Variants in SRGAP3 observed in about 807,000 individuals in gnomAD.
SRGAP3 encodes SLIT-ROBO Rho GTPase-activating protein 3.
Under a neutral mutation model 121.1 loss-of-function variants are expected in SRGAP3, and 39 were observed. The observed-to-expected ratio is 0.32, with a 90% CI of 0.25 to 0.42. The LOEUF (loss-of-function observed/expected upper bound fraction) is 0.42, where lower values mean the gene tolerates loss of function less well. SRGAP3 is among the 10% of genes least tolerant of loss of function. The pLI is 1.00. For missense variants in SRGAP3, 1,213 were observed against 1,470.6 expected (o/e 0.82, Z 2.86); for synonymous variants, 601 against 570.0 (o/e 1.05, Z -0.77).
At chr3:9,287,634 G>C (rs1469000703) in intron 3 of SRGAP3, among the ~76,000 whole-genome samples, 1 of 152,166 alleles carries the variant, frequency 6.6e-6, no homozygotes, top group Non-Finnish European at 1.5e-5. Flanking sequence ...AGTAAGCGTT[G>C]AAAAACTGTG....
intron 2 of SRGAP3, among the ~76,000 whole-genome samples, chr3:9,329,070 C>T (rs560849965): frequency 3.3e-5 from 5 of 152,120 alleles, no homozygotes; most frequent in Non-Finnish European, 2.9e-5. Flanking sequence ...ATCCTGAGCA[C>T]GAGTTTATGG....
chr3:9,357,816 C>T (rs1226925497), intron 1 of SRGAP3, among the ~76,000 whole-genome samples: 1 of 152,006 alleles, frequency 6.6e-6, no homozygotes. Context: ...CCCATATGAC[C>T]AAAGTTTCCT....
chr3:9,059,775 G>T, intron 6 of SRGAP3: 1 of 276,870 alleles, frequency 3.6e-6, no homozygotes, highest in Non-Finnish European at 7.1e-6. Flanking sequence ...GTATAATTAA[G>T]TCTGTCTCAT....
At chr3:9,118,439 G>A (rs1948881932) in intron 2 of SRGAP3, among the ~76,000 whole-genome samples, 1 of 152,130 alleles carries the variant, frequency 6.6e-6, no homozygotes, top group South Asian at 2.1e-4. Flanking sequence ...CATATGTGCT[G>A]CCTGCTACAC....
chr3:9,005,085 A>G (rs1197250939), intron 18 of SRGAP3, among the ~76,000 whole-genome samples: 1 of 152,200 alleles, frequency 6.6e-6, no homozygotes, highest in East Asian at 1.9e-4. Flanking sequence ...AGCTGTTACA[A>G]CTCAATAATA....
chr3:9,313,563 G>A (rs915495197), intron 3 of SRGAP3, among the ~76,000 whole-genome samples: 5 of 151,728 alleles, frequency 3.3e-5, no homozygotes, highest in African/African-American at 1.2e-4. Flanking sequence ...TGTAATCCCA[G>A]GTACTTAAGA....
chr3:9,056,542 G>A (rs535583752), intron 7 of SRGAP3, among the ~76,000 whole-genome samples: 1 of 152,328 alleles, frequency 6.6e-6, no homozygotes, highest in South Asian at 2.1e-4. Context: ...CTCAAAGTCC[G>A]CACTCTTGCC....
chr3:9,302,263 C>G (rs1021407213), intron 3 of SRGAP3, among the ~76,000 whole-genome samples: 7 of 152,218 alleles, frequency 4.6e-5, no homozygotes, highest in Non-Finnish European at 1.0e-4. Flanking sequence ...GCATACACTG[C>G]TTCTGACTGC....
chr3:9,283,194 G>A (rs1421733303), intron 3 of SRGAP3, among the ~76,000 whole-genome samples: 4 of 150,984 alleles, frequency 2.6e-5, no homozygotes, highest in African/African-American at 9.8e-5. Context: ...ACCCCCCCTC[G>A]GCCTCCCAAA....
At chr3:9,182,337 T>TA (rs1249693220) in intron 1 of SRGAP3, among the ~76,000 whole-genome samples, 2 of 151,912 alleles carry the variant, frequency 1.3e-5, no homozygotes, top group Non-Finnish European at 2.9e-5. Context: ...GATATCCTTG[T>TA]AAAAAGGGGA....
At position 9,317,334 on chromosome 3, in the gene SRGAP3, G is replaced by T. The variant is rs562671903; in HGVS notation, n.442+8676C>A. Among the ~76,000 whole-genome samples the T allele has an allele frequency of 1.6e-4, 24 of 152,250 alleles. No homozygotes were observed. In the South Asian group the frequency reaches 3.1e-3, roughly 20 times the overall value. ...TAGGAGCTGGCCTGGCTACAAAATC[G>T]TTCCCTGTGAAGTTCACCGGCTCCA... On this transcript the variant is annotated intron_variant and non_coding_transcript_variant, in intron 3 of 3. Coordinates refer to the SRGAP3 transcript ENST00000490889.
intron 10 of SRGAP3, among the ~76,000 whole-genome samples, chr3:9,041,591 T>G (rs1047414092): frequency 3.9e-5 from 6 of 152,220 alleles, no homozygotes; most frequent in Non-Finnish European, 7.3e-5. Context: ...CAGTTTAAAT[T>G]CTTCATTGCC....
In SRGAP3 at chr3:9,296,426, T is replaced by A. The variant is rs1954955830; in HGVS notation, n.442+29584A>T. On this transcript the variant is annotated intron_variant and non_coding_transcript_variant, in intron 3 of 3. Coordinates refer to the SRGAP3 transcript ENST00000490889. ...ATCTTTTCATGTGCTTATTGGCCAT[T>A]TATCCCATTCATTTCTAGAAGATGG... 2.0e-5 allele frequency among the ~76,000 whole-genome samples: 3 copies of A among 152,206 alleles called. No individual in the cohort carries two copies. The South Asian group carries it at 6.2e-4, about 31-fold the overall frequency.
intron 1 of SRGAP3, among the ~76,000 whole-genome samples, chr3:9,346,342 C>T (rs1955891012): frequency 6.6e-6 from 1 of 152,098 alleles, no homozygotes; most frequent in Admixed American, 6.6e-5. Flanking sequence ...CTCCTGGGCT[C>T]AAGTGTTCCG....
intron 11 of SRGAP3, chr3:9,036,680 GA>G (rs1264615685): frequency 1.3e-5 from 2 of 152,210 alleles, no homozygotes; most frequent in Admixed American, 1.3e-4. Context: ...CACTCTGCTG[GA>G]ACAAACTTCT....
intron 1 of SRGAP3, among the ~76,000 whole-genome samples, chr3:9,135,880 T>C (rs946497520): frequency 3.0e-4 from 46 of 152,306 alleles, no homozygotes; most frequent in Admixed American, 2.0e-3. Context: ...TGTTTTCTCA[T>C]CTGTAAAATA....
chr3:9,102,869 C>A (rs765848482), intron 3 of SRGAP3, among the ~76,000 whole-genome samples: 24 of 152,196 alleles, frequency 1.6e-4, no homozygotes, highest in African/African-American at 3.9e-4. Flanking sequence ...TTCCTAAAGG[C>A]CTTGATGACC....
intron 3 of SRGAP3, among the ~76,000 whole-genome samples, chr3:9,274,870 T>C (rs760691318): frequency 1.3e-5 from 2 of 152,206 alleles, no homozygotes; most frequent in Non-Finnish European, 2.9e-5. Flanking sequence ...TGTCCAGCCA[T>C]AGTCTCTGAC....
intron 2 of SRGAP3, among the ~76,000 whole-genome samples, chr3:9,118,210 G>A (rs1400003216): frequency 6.6e-6 from 1 of 152,046 alleles, no homozygotes; most frequent in Admixed American, 6.5e-5. Context: ...GAAGTCAACA[G>A]GCTTAATTAT....
Sources: allele counts gnomAD v4.1 joint callset (sites outside exome capture counted in the v4.1 genomes callset), GRCh38; gene constraint gnomAD v4.1.1; transcripts MANE v1.5; gene names NCBI Gene and HGNC (gene_info 2026-07-23, HGNC 2026-07-21).